Variants in NDST1 observed in about 807,000 individuals in gnomAD.
NDST1 encodes the protein N-deacetylase and N-sulfotransferase 1, also known as bifunctional heparan sulfate N-deacetylase/N-sulfotransferase 1.
A neutral mutation model predicts 92.8 loss-of-function variants in NDST1; 35 were observed. The observed-to-expected ratio is 0.38, with a 90% CI of 0.29 to 0.50. NDST1 has a LOEUF of 0.50. NDST1 is among the 20% of genes least tolerant of loss of function. The pLI is 0.94. For missense variants in NDST1, 822 were observed against 1,182.7 expected, an observed-to-expected ratio of 0.69 and a Z score of 4.47; for synonymous variants, 493 against 500.3, an observed-to-expected ratio of 0.99 and a Z score of 0.19.
intron 2 of NDST1, among the ~76,000 whole-genome samples, chr5:150,526,456 G>GTC (rs1754482403): frequency 6.6e-6 from 1 of 152,136 alleles, no homozygotes; most frequent in Non-Finnish European, 1.5e-5. Flanking sequence ...TCTATGCCAG[G>GTC]TACTAGAGAG....
rs1754223386 is a variant in NDST1 at position 150,521,088 on chromosome 5, G to A, written c.-167G>A. 3 of 638,830 alleles carry A rather than the reference G, an allele frequency of 4.7e-6. No homozygotes were observed. The Admixed American group carries it at 8.8e-5, about 19-fold the overall frequency. The allele number at this position is 638,830 out of a possible 1,614,324, so 39.6% of individuals were successfully genotyped here. ...GGACTGCGCCCCTGGCTGGGAGGAA[G>A]GACTGGGGGCCCAGATCCTCCACTC... On this transcript the variant is annotated 5_prime_UTR_variant, in exon 2 of 15. Coordinates refer to ENST00000261797, the MANE Select transcript of NDST1 (RefSeq NM_001543.5). This position sits in a 1 kb window ranked among gnomAD's most constrained non-coding sequence, Gnocchi z 5.9.
intron 3 of NDST1, among the ~76,000 whole-genome samples, chr5:150,528,917 G>A (rs1293589739): frequency 6.6e-6 from 1 of 152,162 alleles, no homozygotes; most frequent in African/African-American, 2.4e-5. Context: ...ACAAAGATGG[G>A]AGCTGTACAA....
intron 1 of NDST1, 114 bp from the exon 2 acceptor site, chr5:150,520,754 G>T (rs551992976): frequency 2.3e-4 from 89 of 394,796 alleles, no homozygotes; most frequent in African/African-American, 1.2e-3. Context: ...ATGCAACCTT[G>T]GTTCGGCAGC....
At chr5:150,503,881 T>C (rs1209637625), upstream of NDST1, among the ~76,000 whole-genome samples, 1 of 151,982 alleles carries the variant, frequency 6.6e-6, no homozygotes, top group Non-Finnish European at 1.5e-5. Flanking sequence ...TAGGGAAATG[T>C]GAGGGAAGGG....
rs563019333 is a variant in NDST1 at position 150,554,159 on chromosome 5, A to G, written c.*827A>G. On this transcript the variant is annotated 3_prime_UTR_variant, in exon 15 of 15. Coordinates refer to ENST00000261797, the MANE Select transcript of NDST1 (RefSeq NM_001543.5). ...CACCCTCCCAGCCTCAGGCCCAGGC[A>G]GACATGGGCGAGCTGGTGAGACTGC... 6 of 398,884 alleles carry G rather than the reference A, an allele frequency of 1.5e-5. No homozygotes were observed. In the Admixed American group the frequency reaches 2.6e-4, roughly 18 times the overall value. 24.7% of individuals were successfully genotyped at this position (398,884 alleles called of 1,614,324 possible).
Position 150,521,660 on chromosome 5 carries a change from A to C in NDST1, c.406A>C (p.Ile136Leu). The change falls in exon 2 of 15, where the codon ATC becomes CTC. Residue 136 changes from isoleucine (I) to leucine (L), a missense_variant. By Grantham distance (5) the Ile-to-Leu change is conservative. Transcript: ENST00000261797. The surrounding 1 kb of genome is among the most constrained non-coding windows in gnomAD (Gnocchi z 5.9). ...TDKGRGRFAL[I>L]IYENILKYVN... Reference sequence around the variant, plus strand: ...CAAGGGCCGTGGCCGCTTCGCCCTCATCATCTATGAGAACATCCTCAAGTA... The same window carrying C: ...CAAGGGCCGTGGCCGCTTCGCCCTCCTCATCTATGAGAACATCCTCAAGTA... The C allele has an allele frequency of 6.2e-7, 1 of 1,614,056 alleles. No homozygotes were observed.
chr5:150,542,806 G>A (rs1461085679), intron 9 of NDST1, 42 bp from the exon 10 acceptor site: 2 of 1,613,270 alleles, frequency 1.2e-6, no homozygotes, highest in Non-Finnish European at 1.7e-6. Flanking sequence ...TCTTTTGGCT[G>A]GGGGCTGGGC....
intron 1 of NDST1, among the ~76,000 whole-genome samples, chr5:150,510,277 G>A (rs561725617): frequency 6.6e-6 from 1 of 152,340 alleles, no homozygotes; most frequent in Admixed American, 6.5e-5. Flanking sequence ...CGCCAGTAAG[G>A]GAGGTTATGA....
chr5:150,532,216 C>T (rs1754775414), intron 3 of NDST1, among the ~76,000 whole-genome samples: 1 of 152,102 alleles, frequency 6.6e-6, no homozygotes, highest in Non-Finnish European at 1.5e-5. Context: ...AAGCAATCCT[C>T]CTGCCTTAGC....
At position 150,558,174 on chromosome 5, in the gene NDST1, C is replaced by G. The variant is rs1040738116; in HGVS notation, c.*4842C>G. The G allele has an allele frequency of 6.6e-6, 1 of 152,618 alleles. No individual in the cohort carries two copies. Among genetic ancestry groups the G allele is most frequent in the African/African-American group, 2.4e-5 (1 of 41,432 alleles). The allele number at this position is 152,618 out of a possible 1,614,324, so 9.5% of individuals were successfully genotyped here. A position where few individuals can be genotyped will look rare whatever the true frequency, so the allele number is the denominator to read the frequency against. ...AGACCTTCCTCCATTAATGTACAAT[C>G]TCGAACTAACTGCTAATAAAGTGGG... On this transcript the variant is annotated 3_prime_UTR_variant, in exon 15 of 15. Transcript: ENST00000261797.
At position 150,551,826 on chromosome 5, in the gene NDST1, G is replaced by T; in HGVS notation, c.2500G>T (p.Gly834Cys). The T allele has an allele frequency of 3.7e-6, 6 of 1,613,608 alleles. No individual in the cohort carries two copies. Among genetic ancestry groups the T allele is most frequent in the Non-Finnish European group, 5.1e-6 (6 of 1,179,614 alleles). The change falls in exon 14 of 15, where the codon GGC becomes TGC. Residue 834 changes from glycine (G) to cysteine (C), a missense_variant. Gly to Cys is a radical substitution (Grantham distance 159). Transcript: ENST00000261797. Reference sequence around the variant, plus strand: ...AACCAAGTGTCTGGGCAAAAGCAAGGGCCGGAAATATCCCGAGATGGACTT... The same window carrying T: ...AACCAAGTGTCTGGGCAAAAGCAAGTGCCGGAAATATCCCGAGATGGACTT... ...GKTKCLGKSK[G>C]RKYPEMDLDS...
upstream of NDST1, among the ~76,000 whole-genome samples, chr5:150,504,973 T>C (rs1409454685): frequency 2.0e-5 from 3 of 152,198 alleles, no homozygotes; most frequent in Non-Finnish European, 2.9e-5. Flanking sequence ...TGTGTGCGTG[T>C]TGGGAAGCCA....
At chr5:150,539,719 A>C (rs1755159236) in intron 7 of NDST1, 1 of 984,918 alleles carries the variant, frequency 1.0e-6, no homozygotes, top group Admixed American at 6.1e-5. Flanking sequence ...AAATGCAAAC[A>C]ATTACCTCTG....
At chr5:150,515,310 G>A (rs1285116989) in intron 1 of NDST1, among the ~76,000 whole-genome samples, 1 of 152,212 alleles carries the variant, frequency 6.6e-6, no homozygotes, top group Non-Finnish European at 1.5e-5. Context: ...CAAGTTAGAA[G>A]TTCTGACTTT....
chr5:150,552,643 G>A (rs1380891089), intron 14 of NDST1: 1 of 206,624 alleles, frequency 4.8e-6, no homozygotes, highest in Non-Finnish European at 9.8e-6. Context: ...GTGAACCACC[G>A]TGCCTGGCCC....
chr5:150,520,117 A>G (rs941792329), intron 1 of NDST1, among the ~76,000 whole-genome samples: 1 of 152,184 alleles, frequency 6.6e-6, no homozygotes, highest in African/African-American at 2.4e-5. Context: ...ATTATGGGCA[A>G]ATATGACAGC....
intron 4 of NDST1, among the ~76,000 whole-genome samples, 181 bp downstream of exon 4, chr5:150,533,213 C>T (rs1270205588): frequency 6.6e-6 from 1 of 152,236 alleles, no homozygotes; most frequent in Non-Finnish European, 1.5e-5. Context: ...CAGGCAGAGG[C>T]CATCTGGGGA....
Position 150,540,216 on chromosome 5 carries a change from G to C in NDST1, c.1701G>C (p.Ala567=). Residue 567 remains alanine, a synonymous_variant, in exon 8 of 15, where the codon GCG becomes GCC. Transcript: ENST00000261797. ...RLQTLPPVQL[A]QKYFQIFSEE... Reference sequence around the variant, plus strand: ...AGACACTGCCCCCTGTGCAGTTGGCGCAGAAGTACTTCCAGATCTTCTCCG... The same window carrying C: ...AGACACTGCCCCCTGTGCAGTTGGCCCAGAAGTACTTCCAGATCTTCTCCG... The C allele has an allele frequency of 6.2e-7, 1 of 1,613,808 alleles. No individual in the cohort carries two copies. Among genetic ancestry groups the C allele is most frequent in the South Asian group, 1.1e-5 (1 of 91,074 alleles).
chr5:150,504,302 T>G (rs1753356881), upstream of NDST1, among the ~76,000 whole-genome samples: 4 of 152,292 alleles, frequency 2.6e-5, no homozygotes, highest in South Asian at 8.3e-4. Context: ...TTCCAAGGAC[T>G]TTTCTTAACA....
Sources: gnomAD v4.1 joint callset for allele counts (sites outside exome capture counted in the v4.1 genomes callset) on GRCh38, gnomAD v4.1.1 for gene constraint, Gnocchi (gnomAD v3.1) non-coding constraint, MANE v1.5 for transcripts, NCBI Gene and HGNC (gene_info 2026-07-23, HGNC 2026-07-21) for gene names.